The following RFC3 variants were observed in gnomAD, a reference collection of about 807,000 sequenced individuals.
RFC3 encodes the protein A1 38 kDa subunit.
In RFC3, 41 loss-of-function variants were observed where a neutral mutation model predicts 45.1. The ratio of observed to expected loss-of-function variants is 0.91; its 90% confidence interval spans 0.71 to 1.18. The LOEUF (loss-of-function observed/expected upper bound fraction) is 1.18. Among genes scored for constraint, RFC3 ranks in the 50% most tolerant of loss-of-function variants. The pLI, the probability that RFC3 is intolerant of heterozygous loss-of-function variation, is 0.00. For missense variants in RFC3, 423 were observed against 428.1 expected (o/e 0.99, Z 0.10); for synonymous variants, 149 against 144.0 (o/e 1.03, Z -0.25).
At chr13:33,875,772 A>G (rs1269544864) in intron 8 of RFC3, among the ~76,000 whole-genome samples, 1 of 151,888 alleles carries the variant, frequency 6.6e-6, no homozygotes, top group Non-Finnish European at 1.5e-5. Flanking sequence ...TGCATGTTAT[A>G]TGTTCCCCGT....
intron 8 of RFC3, among the ~76,000 whole-genome samples, chr13:33,872,674 G>A (rs908138064): frequency 2.6e-5 from 4 of 152,000 alleles, no homozygotes; most frequent in Non-Finnish European, 5.9e-5. Flanking sequence ...TGGAGGTTGC[G>A]GTGAGCTGAG....
intron 8 of RFC3, among the ~76,000 whole-genome samples, chr13:33,894,170 G>GT (rs1327574879): frequency 1.3e-5 from 2 of 152,138 alleles, no homozygotes; most frequent in Non-Finnish European, 2.9e-5. Context: ...GTGAAAAACT[G>GT]TAAGTCCCCA....
At chr13:33,894,769 A>T (rs892375222) in intron 8 of RFC3, among the ~76,000 whole-genome samples, 5 of 152,186 alleles carry the variant, frequency 3.3e-5, no homozygotes, top group Non-Finnish European at 5.9e-5. Context: ...TTACAAGGTG[A>T]GAATAATCAA....
chr13:33,973,655 CTT>C, the RFC3 span, among the ~76,000 whole-genome samples: 27 of 134,814 alleles, frequency 2.0e-4, no homozygotes, highest in Admixed American at 2.9e-4. Context: ...TCTTCTTCTT[CTT>C]TTTTTTTTTT....
rs184792524 is a variant in RFC3 at position 33,934,589 on chromosome 13, C to T, written c.880-31498C>T. 1.2e-3 allele frequency among the ~76,000 whole-genome samples: 178 copies of T among 152,126 alleles called. 1 individual carries two copies. The highest frequency in any genetic ancestry group is 1.5e-3 in the Non-Finnish European group (100 of 67,978). ...GTCTCTTCTTTCTATAGCTGGTGTC[C>T]CAGATTCCCAGTTGCTTATTACTAT... On this transcript the variant is annotated intron_variant, in intron 8 of 8. Coordinates refer to the RFC3 transcript ENST00000434425.
At chr13:33,874,374 G>A (rs1424912794) in intron 8 of RFC3, among the ~76,000 whole-genome samples, 2 of 152,248 alleles carry the variant, frequency 1.3e-5, no homozygotes, top group East Asian at 3.8e-4. Flanking sequence ...CTGGAGTGCA[G>A]TGGTGCAGTC....
At chr13:33,911,004 A>AC (rs1488978781) in intron 8 of RFC3, among the ~76,000 whole-genome samples, 1 of 152,112 alleles carries the variant, frequency 6.6e-6, no homozygotes, top group Non-Finnish European at 1.5e-5. Flanking sequence ...ACCACACCCC[A>AC]CCTCCAACAT....
At chr13:33,887,708 C>A (rs995083060) in intron 8 of RFC3, among the ~76,000 whole-genome samples, 7 of 152,224 alleles carry the variant, frequency 4.6e-5, no homozygotes, top group Admixed American at 4.6e-4. Context: ...TTGCCCATGC[C>A]TATGTCCTGA....
chr13:33,923,266 G>C (rs2082781152), intron 8 of RFC3, among the ~76,000 whole-genome samples: 1 of 152,080 alleles, frequency 6.6e-6, no homozygotes, highest in Non-Finnish European at 1.5e-5. Flanking sequence ...ATCTTGCTAG[G>C]AGAAAGGCTC....
At chr13:33,957,720 T>G (rs2083030669) in intron 8 of RFC3, among the ~76,000 whole-genome samples, 1 of 152,118 alleles carries the variant, frequency 6.6e-6, no homozygotes, top group African/African-American at 2.4e-5. Context: ...CCCACTGCAT[T>G]GATTGGCCCA....
rs2082523226 is a variant in RFC3, at chr13:33,886,394, A to C, written c.879+51177A>C. Among the ~76,000 whole-genome samples, 3 of 152,012 alleles carry C rather than the reference A, an allele frequency of 2.0e-5. No individual in the cohort carries two copies. The South Asian group carries it at 6.2e-4, about 32-fold the overall frequency. ...ACCCTGTCTCTACTAAAAATACAAA[A>C]GATTAGCCGGTCGTGGTGGTGGGCA... On this transcript the variant is annotated intron_variant, in intron 8 of 8. Coordinates refer to the RFC3 transcript ENST00000434425.
chr13:33,922,801 T>C (rs9563935), intron 8 of RFC3, among the ~76,000 whole-genome samples: 10,859 of 152,190 alleles, frequency 0.071, 638 homozygotes, highest in African/African-American at 0.16. Flanking sequence ...CAGCCAGTTA[T>C]AGGCTGTGGA....
intron 8 of RFC3, among the ~76,000 whole-genome samples, chr13:33,921,912 G>A (rs1205277428): frequency 6.6e-6 from 1 of 152,138 alleles, no homozygotes; most frequent in Non-Finnish European, 1.5e-5. Flanking sequence ...AGACAGCATG[G>A]TGTTTGGAGT....
intron 8 of RFC3, among the ~76,000 whole-genome samples, chr13:33,933,767 G>A (rs2082867796): frequency 6.6e-6 from 1 of 151,750 alleles, no homozygotes; most frequent in African/African-American, 2.4e-5. Context: ...TAATTTGTTT[G>A]CATTTATATT....
At chr13:33,966,083 A>G (rs960716552) in intron 8 of RFC3, 23 of 1,603,954 alleles carry the variant, frequency 1.4e-5, no homozygotes, top group Middle Eastern at 1.6e-4. Context: ...AATATCTCTT[A>G]CAGGCATGTA....
At chr13:33,834,292 C>CTG (rs200557958) in intron 7 of RFC3, among the ~76,000 whole-genome samples, 717 of 65,614 alleles carry the variant, frequency 0.011, 14 homozygotes, top group African/African-American at 0.013. Flanking sequence ...AACATCTGTA[C>CTG]TGTGTGTATA....
At chr13:33,907,402 A>T (rs912918781) in intron 8 of RFC3, among the ~76,000 whole-genome samples, 1 of 152,098 alleles carries the variant, frequency 6.6e-6, no homozygotes, top group Non-Finnish European at 1.5e-5. Context: ...CCATTATTAC[A>T]TATCAAAAAT....
intron 8 of RFC3, among the ~76,000 whole-genome samples, chr13:33,882,367 A>G (rs1016018005): frequency 6.6e-6 from 1 of 152,232 alleles, no homozygotes; most frequent in Non-Finnish European, 1.5e-5. Flanking sequence ...CATAACTGCT[A>G]TGGACTGAAT....
chr13:33,825,975 G>T (rs533065749), intron 4 of RFC3, 89 bp downstream of exon 4: 3 of 671,734 alleles, frequency 4.5e-6, no homozygotes, highest in East Asian at 6.1e-5. Context: ...CAGGAGAGAA[G>T]CCTGATCTCT....
Sources: gnomAD v4.1 joint callset for allele counts (sites outside exome capture counted in the v4.1 genomes callset) on GRCh38, gnomAD v4.1.1 for gene constraint, MANE v1.5 for transcripts, NCBI Gene and HGNC (gene_info 2026-07-23, HGNC 2026-07-21) for gene names.